SPIDR: variants seen among roughly 807,000 people sequenced by gnomAD.
The protein encoded by SPIDR is scaffold protein involved in DNA repair.
In SPIDR, 93 loss-of-function variants were observed where a neutral mutation model predicts 104.6. The ratio of observed to expected loss-of-function variants is 0.89; its 90% CI spans 0.75 to 1.06. SPIDR has a LOEUF of 1.06. SPIDR is among the 50% of genes least tolerant of loss of function. The probability of loss-of-function intolerance (pLI) is 0.00; values close to 1 mark genes in which losing one functional copy is unlikely to be tolerated. For missense variants in SPIDR, 1,154 were observed against 1,111.2 expected (o/e 1.04, Z -0.55); for synonymous variants, 431 against 416.9 (o/e 1.03, Z -0.41).
rs1585746360 is a variant in SPIDR at position 47,440,456 on chromosome 8, A to G, written c.1011A>G (p.Gly337=). ...CCCAAAGTGTGGCTCCCAGGCCTGG[A>G]GCTGGCCTGAAAGTTCTCTTCACCA... The part of the protein sequence containing the change: ...SSSQSVAPRP[G]AGLKVLFTKE... The change falls in exon 8 of 20, where the codon GGA becomes GGG. Residue 337 remains glycine, a synonymous_variant. Transcript: ENST00000297423. The G allele has an allele frequency of 6.2e-7, 1 of 1,614,188 alleles. No individual in the cohort carries two copies. The highest frequency in any genetic ancestry group is 8.5e-7 in the Non-Finnish European group (1 of 1,180,008).
At position 47,287,509 on chromosome 8, in the gene SPIDR, A is replaced by G. The variant is rs922797951; in HGVS notation, c.256+3415A>G. Among the ~76,000 whole-genome samples the G allele has an allele frequency of 1.2e-4, 18 of 152,278 alleles. 1 individual carries two copies. In the East Asian group the frequency reaches 3.3e-3, roughly 28 times the overall value. On this transcript the variant is annotated intron_variant, in intron 3 of 19. Coordinates refer to ENST00000297423, the MANE Select transcript of SPIDR (RefSeq NM_001080394.4). ...GTATTTCAGTTCTTATCCCAACCGC[A>G]TAAGACAGACACTCCCAGAGTGGCC...
At chr8:47,582,827 T>TAC (rs72295566) in intron 8 of SPIDR, among the ~76,000 whole-genome samples, 15,503 of 130,002 alleles carry the variant, frequency 0.12, 975 homozygotes, top group Non-Finnish European at 0.15. Context: ...AACAACAAAT[T>TAC]ACACACACAC....
intron 1 of SPIDR, among the ~76,000 whole-genome samples, chr8:47,264,014 G>A (rs1585998283): frequency 6.6e-6 from 1 of 152,168 alleles, no homozygotes; most frequent in Admixed American, 6.6e-5. Context: ...TTAATGAAAG[G>A]AGAACTAGTT....
At chr8:47,606,139 T>C (rs1391504066) in intron 10 of SPIDR, among the ~76,000 whole-genome samples, 1 of 152,156 alleles carries the variant, frequency 6.6e-6, no homozygotes, top group Admixed American at 6.5e-5. Flanking sequence ...AATAAACATA[T>C]TGCAGAAAAC....
intron 5 of SPIDR, among the ~76,000 whole-genome samples, chr8:47,316,527 T>C (rs1349017305): frequency 6.6e-6 from 1 of 152,184 alleles, no homozygotes; most frequent in Non-Finnish European, 1.5e-5. Flanking sequence ...TTAGCAATGA[T>C]AAGGAACACT....
At chr8:47,605,947 C>T (rs985608162) in intron 10 of SPIDR, among the ~76,000 whole-genome samples, 1 of 152,152 alleles carries the variant, frequency 6.6e-6, no homozygotes, top group Non-Finnish European at 1.5e-5. Context: ...GCTGAGGAAG[C>T]TTGCTTGAAG....
intron 8 of SPIDR, among the ~76,000 whole-genome samples, chr8:47,556,510 A>G (rs1315794849): frequency 6.6e-6 from 1 of 152,246 alleles, no homozygotes; most frequent in Non-Finnish European, 1.5e-5. Flanking sequence ...ACATGTTGTA[A>G]TTTAAATCTA....
intron 5 of SPIDR, among the ~76,000 whole-genome samples, chr8:47,298,281 C>G (rs1462564903): frequency 2.6e-5 from 4 of 152,150 alleles, no homozygotes; most frequent in African/African-American, 4.8e-5. Flanking sequence ...TGTTCATATC[C>G]TTTGCCCACT....
chr8:47,678,283 G>T (rs1338141079), intron 11 of SPIDR, among the ~76,000 whole-genome samples: 1 of 152,184 alleles, frequency 6.6e-6, no homozygotes, highest in Non-Finnish European at 1.5e-5. Context: ...GAGTGAAGAA[G>T]AGAAGAGGTC....
rs994527374 is a variant in SPIDR, at chr8:47,260,966, G to C, written c.8G>C (p.Arg3Pro). 2 of 1,229,518 alleles carry C rather than the reference G, an allele frequency of 1.6e-6. No individual in the cohort carries two copies. The highest frequency in any genetic ancestry group is 2.0e-6 in the Non-Finnish European group (2 of 986,322). 76.2% of individuals were successfully genotyped at this position (1,229,518 alleles called of 1,614,324 possible). MP[R>P]GSRARGSKRK... Reference sequence around the variant, plus strand: ...CAGGCGGCGCTCCCGGAGATGCCCCGCGGCAGCCGCGCTCGGGGCTCTAAG... The same window carrying C: ...CAGGCGGCGCTCCCGGAGATGCCCCCCGGCAGCCGCGCTCGGGGCTCTAAG... The change falls in exon 1 of 20, where the codon CGC becomes CCC. Residue 3 changes from arginine to proline, a missense_variant. Arg to Pro is a moderately radical substitution (Grantham distance 103). Coordinates refer to ENST00000297423, the MANE Select transcript of SPIDR (RefSeq NM_001080394.4).
At chr8:47,438,019 G>A (rs1219582760) in intron 7 of SPIDR, among the ~76,000 whole-genome samples, 1 of 152,220 alleles carries the variant, frequency 6.6e-6, no homozygotes, top group Non-Finnish European at 1.5e-5. Flanking sequence ...TTCTGTAATA[G>A]CCTGCATTTA....
chr8:47,420,335 C>G (rs1418069309), intron 7 of SPIDR, among the ~76,000 whole-genome samples: 1 of 152,084 alleles, frequency 6.6e-6, no homozygotes, highest in African/African-American at 2.4e-5. Context: ...ATAGTTAGCT[C>G]TTCTTGTTGA....
At chr8:47,283,446 TAATAATA>T in intron 2 of SPIDR, among the ~76,000 whole-genome samples, 1 of 152,304 alleles carries the variant, frequency 6.6e-6, no homozygotes, top group Non-Finnish European at 1.5e-5. Flanking sequence ...ATAGCAGATT[TAATAATA>T]ATGGTAAAGT....
intron 2 of SPIDR, among the ~76,000 whole-genome samples, chr8:47,282,878 G>C (rs1285545217): frequency 6.6e-6 from 1 of 150,676 alleles, no homozygotes; most frequent in Non-Finnish European, 1.5e-5. Flanking sequence ...TTTTTTGAGA[G>C]GGAGTCTGTC....
At chr8:47,304,339 T>C (rs1443346389) in intron 5 of SPIDR, among the ~76,000 whole-genome samples, 4 of 152,036 alleles carry the variant, frequency 2.6e-5, no homozygotes, top group African/African-American at 9.7e-5. Context: ...GTCCTCACAA[T>C]AGTGAGTGAG....
intron 7 of SPIDR, among the ~76,000 whole-genome samples, chr8:47,436,759 T>A (rs2068405890): frequency 6.6e-6 from 1 of 152,134 alleles, no homozygotes; most frequent in South Asian, 2.1e-4. Flanking sequence ...TCAAGCACAT[T>A]TTTGGTATAA....
intron 8 of SPIDR, among the ~76,000 whole-genome samples, chr8:47,523,089 C>T (rs1352811123): frequency 2.0e-5 from 3 of 152,108 alleles, no homozygotes; most frequent in Admixed American, 6.6e-5. Flanking sequence ...CAGCCTCGAC[C>T]TCCCAGGCTC....
intron 8 of SPIDR, among the ~76,000 whole-genome samples, chr8:47,487,676 A>C (rs2077909469): frequency 6.6e-6 from 1 of 152,238 alleles, no homozygotes; most frequent in African/African-American, 2.4e-5. Context: ...CAGTGCACTC[A>C]AACTAGAACT....
intron 8 of SPIDR, among the ~76,000 whole-genome samples, chr8:47,550,176 G>A (rs1172728381): frequency 6.6e-6 from 1 of 152,166 alleles, no homozygotes; most frequent in Non-Finnish European, 1.5e-5. Context: ...TAGCCTTGTA[G>A]TATAGTTTAA....
Sources: gnomAD v4.1 joint callset for allele counts (sites outside exome capture counted in the v4.1 genomes callset) on GRCh38, gnomAD v4.1.1 for gene constraint, MANE v1.5 for transcripts, NCBI Gene and HGNC (gene_info 2026-07-23, HGNC 2026-07-21) for gene names.